Variants in BDNF observed in about 807,000 individuals in gnomAD.
BDNF encodes brain derived neurotrophic factor.
Under a neutral mutation model 19.5 loss-of-function variants are expected in BDNF, and 1 was observed. The observed-to-expected ratio is 0.05, with a 90% CI of 0.02 to 0.24. The LOEUF is 0.24. Ranked by LOEUF, BDNF falls within the 10% of genes least tolerant of loss-of-function variation. The pLI is 1.00. For synonymous variants in BDNF, 100 were observed against 121.6 expected (o/e 0.82, Z 1.17); for missense variants, 195 against 317.6 (o/e 0.61, Z 2.93).
chr11:27,657,256 A>C lies in BDNF; in HGVS notation c.*565T>G, dbSNP rs1296693317. 1 of 987,306 alleles carries C rather than the reference A, an allele frequency of 1.0e-6. No homozygotes were observed. The highest frequency in any genetic ancestry group is 4.7e-5 in the South Asian group (1 of 21,424). 61.2% of individuals were successfully genotyped at this position (987,306 alleles called of 1,614,324 possible). A position where few individuals can be genotyped will look rare whatever the true frequency, so the allele number is the denominator to read the frequency against. On this transcript the variant is annotated 3_prime_UTR_variant, in exon 2 of 2. Coordinates refer to ENST00000356660, the MANE Select transcript of BDNF (RefSeq NM_001709.5). This position sits in a 1 kb window ranked among gnomAD's most constrained non-coding sequence, Gnocchi z 5.0. ...AAACAAAACAAACAAACGAAAAAAA[A>C]ACACAAAACAAACAAAAATATACCC...
At chr11:27,669,165 T>C (rs1854893282) in intron 1 of BDNF, among the ~76,000 whole-genome samples, 2 of 152,202 alleles carry the variant, frequency 1.3e-5, no homozygotes, top group African/African-American at 4.8e-5. Context: ...AAACCATGAT[T>C]ATCTCAATAG....
At chr11:27,721,476 G>A in exon 1 of BDNF, 2 of 1,588,802 alleles carry the variant, frequency 1.3e-6, no homozygotes, top group Non-Finnish European at 1.7e-6. Flanking sequence ...ACAGATGCTG[G>A]AAGGTAATGT....
chr11:27,685,348 C>CTTCT (rs1564972883), intron 1 of BDNF, among the ~76,000 whole-genome samples: 2 of 152,142 alleles, frequency 1.3e-5, no homozygotes, highest in African/African-American at 2.4e-5. Flanking sequence ...AAAAAACCAG[C>CTTCT]TTCTGGATTC....
At position 27,657,780 on chromosome 11, in the gene BDNF, T is replaced by TA. The variant is rs1491333661; in HGVS notation, c.*40_*41insT. ...GTTATGTATATATACAAATAGATAA[T>TA]TTTTGTCTCAATATAATCTAATCTA... On this transcript the variant is annotated 3_prime_UTR_variant, in exon 2 of 2. Transcript: ENST00000356660. The surrounding 1 kb of genome is among the most constrained non-coding windows in gnomAD (Gnocchi z 5.0). 1.2e-6 allele frequency: 2 copies of TA among 1,606,302 alleles called. No individual in the cohort carries two copies. Among genetic ancestry groups the TA allele is most frequent in the East Asian group, 4.5e-5 (2 of 44,836 alleles).
At position 27,720,266 on chromosome 11, in the gene BDNF, C is replaced by T. The variant is rs75317243; in HGVS notation, c.3+1146G>A. On this transcript the variant is annotated intron_variant, in intron 1 of 1. Coordinates refer to the BDNF transcript ENST00000314915. ...TGCTCTCCCTCTACCTCCTCCCCTC[C>T]ACCACGCGTCCTCTCCGGAAGACAG... 7.5e-3 allele frequency: 7,053 copies of T among 941,628 alleles called. 212 individuals are homozygous for T. In the African/African-American group the frequency reaches 0.082, roughly 11 times the overall value. 58.3% of individuals were successfully genotyped at this position (941,628 alleles called of 1,614,324 possible).
Position 27,658,625 on chromosome 11 carries a change from G to T in BDNF, c.-21-40C>A. 1 of 1,614,114 alleles carries T rather than the reference G, an allele frequency of 6.2e-7. No individual in the cohort carries two copies. The highest frequency in any genetic ancestry group is 1.1e-5 in the South Asian group (1 of 91,044). The stretch of plus-strand genomic sequence containing the variant: ...CAGAAACAAGACAGAAAACTGGTTA[G>T]GGCTTTCTTTCACCGGGATGCCATG... On this transcript the variant is annotated intron_variant, in intron 1 of 1. Transcript: ENST00000356660. This position sits in a 1 kb window ranked among gnomAD's most constrained non-coding sequence, Gnocchi z 5.7.
chr11:27,714,768 C>T (rs1860453902), intron 1 of BDNF, among the ~76,000 whole-genome samples: 1 of 152,124 alleles, frequency 6.6e-6, no homozygotes, highest in Admixed American at 6.5e-5. Context: ...ATCACTCAAA[C>T]TTGGAACGGA....
chr11:27,719,318 A>G (rs962905272), intron 1 of BDNF, among the ~76,000 whole-genome samples: 2 of 152,196 alleles, frequency 1.3e-5, no homozygotes, highest in African/African-American at 4.8e-5. Flanking sequence ...TCGCCCTGGC[A>G]GGGCGGTCTG....
chr11:27,677,469 G>T (rs1856288962), intron 1 of BDNF: 1 of 151,148 alleles, frequency 6.6e-6, no homozygotes, highest in African/African-American at 2.4e-5. Context: ...GAAAATGGTG[G>T]AGCTTGCGGT....
chr11:27,720,762 T>G (rs774974933), intron 1 of BDNF: 110 of 986,170 alleles, frequency 1.1e-4, no homozygotes, highest in Non-Finnish European at 1.3e-4. Context: ...AATCTCTAAT[T>G]AAGTGATACT....
chr11:27,677,920 A>G (rs1454760788), intron 1 of BDNF: 1 of 151,942 alleles, frequency 6.6e-6, no homozygotes, highest in Non-Finnish European at 1.5e-5. Context: ...AATGACTACA[A>G]TTAAGAAGTC....
At chr11:27,659,952 A>G (rs1396489724) in intron 1 of BDNF, among the ~76,000 whole-genome samples, 2 of 152,228 alleles carry the variant, frequency 1.3e-5, no homozygotes, top group African/African-American at 4.8e-5. Flanking sequence ...GGACTTCAGA[A>G]TCACTTACCT....
intron 1 of BDNF, among the ~76,000 whole-genome samples, chr11:27,718,247 A>T (rs1860592122): frequency 6.6e-6 from 1 of 152,076 alleles, no homozygotes; most frequent in South Asian, 2.1e-4. Flanking sequence ...TCCAGAGACA[A>T]GCAGACAGAA....
intron 1 of BDNF, among the ~76,000 whole-genome samples, chr11:27,689,166 C>T (rs1009486744): frequency 1.3e-5 from 2 of 152,136 alleles, no homozygotes; most frequent in African/African-American, 4.8e-5. Flanking sequence ...ATTAATGCAT[C>T]AAGGGCAAGA....
chr11:27,702,304 T>G (rs1475900921), upstream of BDNF, among the ~76,000 whole-genome samples: 2 of 152,094 alleles, frequency 1.3e-5, no homozygotes, highest in Non-Finnish European at 2.9e-5. Context: ...AAATTGTGAT[T>G]TAGTAGGGGT....
chr11:27,705,541 A>T (rs943012602), intron 1 of BDNF, among the ~76,000 whole-genome samples: 2 of 152,240 alleles, frequency 1.3e-5, no homozygotes, highest in African/African-American at 4.8e-5. Flanking sequence ...ACACACACTA[A>T]GAATTTGGCC....
chr11:27,713,638 C>G (rs1319237094), intron 1 of BDNF, among the ~76,000 whole-genome samples: 1 of 152,144 alleles, frequency 6.6e-6, no homozygotes, highest in Non-Finnish European at 1.5e-5. Flanking sequence ...TTCTAGATAG[C>G]ATAACATTAT....
Position 27,700,177 on chromosome 11 carries a change from C to A in BDNF, c.-35G>T. 1.0e-6 allele frequency: 1 copy of A among 985,926 alleles called. No individual in the cohort carries two copies. The highest frequency in any genetic ancestry group is 1.2e-6 in the Non-Finnish European group (1 of 830,332). The allele number at this position is 985,926 out of a possible 1,614,324, so 61.1% of individuals were successfully genotyped here. On this transcript the variant is annotated 5_prime_UTR_variant, in exon 1 of 2. Transcript: ENST00000356660. ...GCGCTTGCCTACCTCGGGGTCCACA[C>A]AAACCTCACGGGTCCCCGGCGGCGG...
intron 1 of BDNF, among the ~76,000 whole-genome samples, chr11:27,712,964 A>G (rs1043770479): frequency 2.1e-5 from 3 of 141,076 alleles, no homozygotes; most frequent in Non-Finnish European, 4.5e-5. Flanking sequence ...CTGGAGTGCA[A>G]TGGCATGATC....
Sources: allele counts gnomAD v4.1 joint callset (sites outside exome capture counted in the v4.1 genomes callset), GRCh38; gene constraint gnomAD v4.1.1; non-coding constraint Gnocchi (gnomAD v3.1); transcripts MANE v1.5; gene names NCBI Gene and HGNC (gene_info 2026-07-23, HGNC 2026-07-21).